The following TYW1 variants were observed in gnomAD, a reference collection of about 807,000 sequenced individuals.
TYW1 encodes S-adenosyl-L-methionine-dependent tRNA 4-demethylwyosine synthase TYW1.
In TYW1, 46 loss-of-function variants were observed where a neutral mutation model predicts 96.2. The observed-to-expected ratio is 0.48, with a 90% CI of 0.38 to 0.61. TYW1 has a LOEUF of 0.61. Among genes scored for constraint, TYW1 ranks in the 20% least tolerant of loss-of-function variants. The pLI, the probability that TYW1 is intolerant of heterozygous loss-of-function variation, is 0.00. For missense variants in TYW1, 684 were observed against 909.6 expected (o/e 0.75, Z 3.19); for synonymous variants, 274 against 323.0 (o/e 0.85, Z 1.63).
intron 13 of TYW1, among the ~76,000 whole-genome samples, chr7:67,177,685 G>C (rs1783277324): frequency 6.6e-6 from 1 of 152,222 alleles, no homozygotes; most frequent in South Asian, 2.1e-4. Flanking sequence ...AACACTAAGT[G>C]TTGTTGAAGA....
chr7:67,041,485 A>G lies in TYW1; in HGVS notation c.985-8464A>G, dbSNP rs58210259. On this transcript the variant is annotated intron_variant, in intron 7 of 15. Coordinates refer to ENST00000359626, the MANE Select transcript of TYW1 (RefSeq NM_018264.4). ...CGGCTAATTTTTGTATTTTTAGTAG[A>G]GACAGTGCCTCGCCATGTTGGCCAG... Among the ~76,000 whole-genome samples the G allele has an allele frequency of 4.7e-3, 714 of 152,120 alleles. 5 individuals carry two copies. The highest frequency in any genetic ancestry group is 0.016 in the African/African-American group (683 of 41,496).
At chr7:67,135,162 CAG>C (rs747224302) in intron 13 of TYW1, among the ~76,000 whole-genome samples, 46 of 148,778 alleles carry the variant, frequency 3.1e-4, no homozygotes, top group Non-Finnish European at 3.1e-4. Flanking sequence ...TATGTATATA[CAG>C]AGAGAGAGAG....
At chr7:67,062,566 C>CAA (rs56770876) in intron 9 of TYW1, among the ~76,000 whole-genome samples, 12,608 of 89,054 alleles carry the variant, frequency 0.14, 962 homozygotes, top group Middle Eastern at 0.19. Flanking sequence ...GACTCCGTCT[C>CAA]AAAAAAAAAA....
chr7:67,060,387 T>C (rs2115626567), intron 9 of TYW1, among the ~76,000 whole-genome samples: 1 of 152,348 alleles, frequency 6.6e-6, no homozygotes, highest in East Asian at 1.9e-4. Flanking sequence ...ATTCAAAGTT[T>C]AGAAAGGGAA....
At chr7:67,069,039 A>G (rs955624677) in intron 10 of TYW1, among the ~76,000 whole-genome samples, 13 of 152,072 alleles carry the variant, frequency 8.5e-5, no homozygotes, top group African/African-American at 3.1e-4. Context: ...TCATCTCTTA[A>G]TTTATCTCCA....
At chr7:67,024,644 G>T (rs1465727193) in intron 6 of TYW1, among the ~76,000 whole-genome samples, 1 of 152,026 alleles carries the variant, frequency 6.6e-6, no homozygotes, top group African/African-American at 2.4e-5. Flanking sequence ...AGCCAGGCGT[G>T]GTGGTAGGCG....
At chr7:67,121,873 T>C (rs1397377333) in intron 13 of TYW1, among the ~76,000 whole-genome samples, 3 of 149,882 alleles carry the variant, frequency 2.0e-5, no homozygotes, top group Non-Finnish European at 4.4e-5. Context: ...TCCTTTTCAA[T>C]ATGAGGAGAG....
chr7:67,042,163 A>T (rs958180490), intron 7 of TYW1, among the ~76,000 whole-genome samples: 1 of 148,002 alleles, frequency 6.8e-6, no homozygotes, highest in South Asian at 2.1e-4. Context: ...AGTATAATAT[A>T]TAATTAGAAT....
rs1214151358 is a variant in TYW1 at position 66,999,208 on chromosome 7, C to T, written c.273+254C>T. On this transcript the variant is annotated intron_variant, in intron 3 of 15. Coordinates refer to ENST00000359626, the MANE Select transcript of TYW1 (RefSeq NM_018264.4). ...TCAGTGTCTTGAGGGGGCCTTTGTT[C>T]TGAAGTTTGCTTCTGCCTCAGCAGG... 2.0e-5 allele frequency among the ~76,000 whole-genome samples: 3 copies of T among 152,244 alleles called. No homozygotes were observed. The East Asian group carries it at 5.8e-4, about 29-fold the overall frequency.
chr7:67,035,213 G>A (rs546378804), intron 7 of TYW1, among the ~76,000 whole-genome samples: 6 of 151,560 alleles, frequency 4.0e-5, no homozygotes, highest in Non-Finnish European at 8.8e-5. Flanking sequence ...CCGCCTCCCA[G>A]TTTTAAGTGA....
chr7:67,222,090 G>A (rs749356207), intron 15 of TYW1, among the ~76,000 whole-genome samples: 21 of 151,932 alleles, frequency 1.4e-4, no homozygotes, highest in African/African-American at 2.9e-4. Flanking sequence ...CCAGATACTC[G>A]GGAGGCTGAG....
intron 13 of TYW1, among the ~76,000 whole-genome samples, chr7:67,156,795 C>T (rs936843741): frequency 6.6e-6 from 1 of 151,472 alleles, no homozygotes; most frequent in African/African-American, 2.4e-5. Flanking sequence ...GCTTGGGGCT[C>T]CTGGTGTGAG....
At chr7:67,100,850 C>CAAAAAA (rs57665696) in intron 12 of TYW1, among the ~76,000 whole-genome samples, 3 of 75,604 alleles carry the variant, frequency 4.0e-5, no homozygotes, top group African/African-American at 1.1e-4. Flanking sequence ...GGCTACAGAG[C>CAAAAAA]AAAAAAAAAA....
intron 14 of TYW1, 48 bp from the exon 15 acceptor site, chr7:67,195,122 A>G (rs765529853): frequency 6.3e-7 from 1 of 1,576,646 alleles, no homozygotes; most frequent in Non-Finnish European, 8.6e-7. Flanking sequence ...CTTCTATGAC[A>G]TGCAGGTAGG....
intron 8 of TYW1, among the ~76,000 whole-genome samples, chr7:67,052,422 A>T (rs1252557127): frequency 6.6e-6 from 1 of 152,182 alleles, no homozygotes; most frequent in Non-Finnish European, 1.5e-5. Flanking sequence ...TTTCTTCTGT[A>T]ATGTCTCATG....
chr7:66,998,421 A>G (rs1364542661), intron 2 of TYW1, among the ~76,000 whole-genome samples: 1 of 152,176 alleles, frequency 6.6e-6, no homozygotes, highest in East Asian at 1.9e-4. Flanking sequence ...ATACAGGAAG[A>G]TTTTTGTAAT....
At chr7:67,065,230 G>T (rs1406201525) in intron 9 of TYW1, among the ~76,000 whole-genome samples, 2 of 152,104 alleles carry the variant, frequency 1.3e-5, no homozygotes, top group African/African-American at 4.8e-5. Flanking sequence ...TTATAAGGAC[G>T]GTAGTTCTGT....
intron 13 of TYW1, among the ~76,000 whole-genome samples, chr7:67,169,500 A>G (rs1020012024): frequency 3.3e-5 from 5 of 152,050 alleles, no homozygotes; most frequent in African/African-American, 1.2e-4. Context: ...TCCCGGGTTC[A>G]AGTGATTCTC....
chr7:67,055,744 A>AC (rs1399529005), intron 8 of TYW1, 91 bp from the exon 9 acceptor site: 2 of 1,145,436 alleles, frequency 1.7e-6, no homozygotes, highest in Non-Finnish European at 2.4e-6. Flanking sequence ...TTTAGCAAAA[A>AC]AAAAAAAAAA....
Sources: allele counts gnomAD v4.1 joint callset (sites outside exome capture counted in the v4.1 genomes callset), GRCh38; gene constraint gnomAD v4.1.1; transcripts MANE v1.5; gene names NCBI Gene and HGNC (gene_info 2026-07-23, HGNC 2026-07-21).